Variants in ZNF280C observed in about 807,000 individuals in gnomAD.
ZNF280C encodes the protein zinc finger protein 280C, also known as suppressor of hairy wing homolog 3.
In ZNF280C, 14 loss-of-function variants were observed where a neutral mutation model predicts 53.6. The ratio of observed to expected loss-of-function variants is 0.26; its 90% CI spans 0.17 to 0.41. The LOEUF (loss-of-function observed/expected upper bound fraction) is 0.41. Among genes scored for constraint, ZNF280C ranks in the 10% least tolerant of loss-of-function variants. ZNF280C has a pLI of 1.00. For synonymous variants in ZNF280C, 203 were observed against 181.1 expected (o/e 1.12, Z -0.97); for missense variants, 416 against 547.1 (o/e 0.76, Z 2.39).
At chrX:130,227,886 A>G (rs372192102) in intron 10 of ZNF280C, 104 bp from the exon 11 acceptor site, 84 of 468,168 alleles carry the variant, frequency 1.8e-4, no homozygotes, top group African/African-American at 1.6e-3. Context: ...AGTAACAGTG[A>G]TGTGGTTCTA....
At chrX:130,214,102 T>C (rs368806201) in intron 15 of ZNF280C, among the ~76,000 whole-genome samples, 1 of 111,802 alleles carries the variant, frequency 8.9e-6, no homozygotes, top group Non-Finnish European at 1.9e-5. Context: ...GCCTGGCTAG[T>C]TGTATCTTAT....
intron 5 of ZNF280C, among the ~76,000 whole-genome samples, chrX:130,242,869 G>T (rs2032408767): frequency 9.0e-6 from 1 of 110,875 alleles, no homozygotes; most frequent in South Asian, 3.8e-4. Context: ...ATAGAGACAG[G>T]GTTTCACCAT....
Position 130,239,643 on chromosome X carries a change from C to A in ZNF280C, c.432G>T (p.Leu144=). ...GTAGTGATTCCTGGGTCGAGTCAAA[C>A]AGTAAAATTGAAGAATTATCCGATC... ...QVGSDNSSIL[L]FDSTQESLPP... The change falls in exon 6 of 19, where the codon CTG becomes CTT. Residue 144 remains leucine (L), a synonymous_variant. Transcript: ENST00000370978. 2 of 1,202,322 alleles carry A rather than the reference C, an allele frequency of 1.7e-6. No individual in the cohort carries two copies. The highest frequency in any genetic ancestry group is 2.3e-6 in the Non-Finnish European group (2 of 888,267).
chrX:130,203,714 A>C lies in ZNF280C; in HGVS notation c.*1263T>G, dbSNP rs1311093398. On this transcript the variant is annotated 3_prime_UTR_variant, in exon 19 of 19. Transcript: ENST00000370978. ...ATCAGTATTGCTGAAAATTCCTAGA[A>C]TATTGGATAAAACTTTAAATGAAAA... 1 of 112,330 alleles carries C rather than the reference A, an allele frequency of 8.9e-6. No individual in the cohort carries two copies. Among genetic ancestry groups the C allele is most frequent in the Non-Finnish European group, 1.9e-5 (1 of 53,291 alleles). 9.3% of individuals were successfully genotyped at this position (112,330 alleles called of 1,213,427 possible).
chrX:130,223,955 G>C (rs1159936599), intron 12 of ZNF280C, among the ~76,000 whole-genome samples: 2 of 111,768 alleles, frequency 1.8e-5, no homozygotes, highest in Non-Finnish European at 3.8e-5. Context: ...CTTCAGAGAA[G>C]CCTGATGATC....
At chrX:130,240,576 T>G (rs1241682728) in intron 5 of ZNF280C, among the ~76,000 whole-genome samples, 1 of 112,251 alleles carries the variant, frequency 8.9e-6, no homozygotes, top group Non-Finnish European at 1.9e-5. Context: ...AATATCCGTT[T>G]GCAATTTCCA....
At chrX:130,244,846 G>A (rs1440291192) in intron 3 of ZNF280C, among the ~76,000 whole-genome samples, 1 of 109,061 alleles carries the variant, frequency 9.2e-6, no homozygotes, top group African/African-American at 3.3e-5. Context: ...TTAAGTGAAG[G>A]GTCACACCAA....
chrX:130,222,276 C>CCACACACACACACACACACACACA (rs59694150), intron 12 of ZNF280C, among the ~76,000 whole-genome samples: 1 of 69,937 alleles, frequency 1.4e-5, no homozygotes, highest in Admixed American at 1.7e-4. Flanking sequence ...CATTCAGACA[C>CCACACACACACACACACACACACA]CACACACACA....
At chrX:130,258,099 C>T (rs2032594021) in intron 2 of ZNF280C, among the ~76,000 whole-genome samples, 1 of 111,105 alleles carries the variant, frequency 9.0e-6, no homozygotes, top group Admixed American at 9.6e-5. Context: ...GTCTGGGCCA[C>T]AGTGCTAGAC....
intron 8 of ZNF280C, among the ~76,000 whole-genome samples, chrX:130,232,243 C>G (rs2032285372): frequency 1.0e-5 from 1 of 99,187 alleles, no homozygotes; most frequent in Non-Finnish European, 2.0e-5. Flanking sequence ...TCTAGAATGC[C>G]TAAATATCTG....
In ZNF280C at chrX:130,209,692, T is replaced by G; in HGVS notation, c.2003A>C (p.Lys668Thr). The G allele has an allele frequency of 1.7e-6, 2 of 1,208,552 alleles. No homozygotes were observed. Among genetic ancestry groups the G allele is most frequent in the Non-Finnish European group, 2.2e-6 (2 of 893,546 alleles). ...MMSSHSNHPG[K>T]RFCIFKKHSG... ...ATGCTTCTTGAAAATACAAAACCGT[T>G]TACCTGGATGGTTGCTATGAGAGCT... Residue 668 changes from lysine to threonine, a missense_variant, in exon 16 of 19, where the codon AAA becomes ACA. Physicochemically the swap from Lys to Thr is moderately conservative, Grantham distance 78. Coordinates refer to ENST00000370978, the MANE Select transcript of ZNF280C (RefSeq NM_017666.5).
chrX:130,224,029 TAAC>T (rs1440600728), intron 12 of ZNF280C, among the ~76,000 whole-genome samples: 1 of 111,721 alleles, frequency 9.0e-6, no homozygotes, highest in Non-Finnish European at 1.9e-5. Flanking sequence ...ACTCCAAACT[TAAC>T]AAAAAAATTC....
intron 16 of ZNF280C, among the ~76,000 whole-genome samples, chrX:130,206,521 C>T (rs906492680): frequency 1.9e-4 from 21 of 109,825 alleles, no homozygotes; most frequent in Admixed American, 1.9e-3. Context: ...CGCCTGCCAC[C>T]ACGCCTGGCT....
chrX:130,244,777 T>TA lies in ZNF280C; in HGVS notation c.179-913dup, dbSNP rs58124928. 7.4e-3 allele frequency among the ~76,000 whole-genome samples: 486 copies of TA among 65,373 alleles called. 2 individuals carry two copies. The highest frequency in any genetic ancestry group is 0.011 in the Non-Finnish European group (422 of 37,027). 56.8% of individuals were successfully genotyped at this position (65,373 alleles called of 115,157 possible). A position where few individuals can be genotyped will look rare whatever the true frequency, so the allele number is the denominator to read the frequency against. ...TGGGCGACAGAGCGAGACTCCATCT[T>TA]AAAAAAAAAAAAAAAAAAAAAAAGA... On this transcript the variant is annotated intron_variant, in intron 3 of 18. Transcript: ENST00000370978.
At chrX:130,256,303 A>G (rs910871041) in intron 2 of ZNF280C, among the ~76,000 whole-genome samples, 33 of 112,027 alleles carry the variant, frequency 2.9e-4, no homozygotes, top group Non-Finnish European at 5.1e-4. Context: ...GTCCCAGGAC[A>G]AGAGCTGTGC....
rs150667642 is a variant in ZNF280C at position 130,224,606 on chromosome X, T to C, written c.1395+2153A>G. On this transcript the variant is annotated intron_variant, in intron 12 of 18. Coordinates refer to ENST00000370978, the MANE Select transcript of ZNF280C (RefSeq NM_017666.5). ...TTCTAGAGGATTACCAGGCGCCAAC[T>C]TCTAAGAGCTCTATTCCAATGGAGT... 9.6e-3 allele frequency among the ~76,000 whole-genome samples: 1,075 copies of C among 111,830 alleles called. 5 individuals are homozygous for C. Among genetic ancestry groups the C allele is most frequent in the Non-Finnish European group, 0.016 (843 of 53,140 alleles).
At chrX:130,215,385 AG>A in intron 14 of ZNF280C, 52 bp from the exon 15 acceptor site, 2 of 1,060,748 alleles carry the variant, frequency 1.9e-6, no homozygotes, top group Middle Eastern at 2.9e-4. Context: ...CAAAAATAAC[AG>A]GGGAAAATCT....
chrX:130,214,139 C>T (rs756798255), intron 15 of ZNF280C, among the ~76,000 whole-genome samples: 5 of 110,985 alleles, frequency 4.5e-5, no homozygotes, highest in African/African-American at 1.6e-4. Context: ...ATGGAACTAT[C>T]TTAATTAGAA....
intron 16 of ZNF280C, among the ~76,000 whole-genome samples, chrX:130,206,357 T>G (rs866836041): frequency 9.4e-6 from 1 of 106,928 alleles, no homozygotes; most frequent in African/African-American, 3.4e-5. Context: ...GATTGACTTC[T>G]TTAGTTTTTT....
Sources: gnomAD v4.1 joint callset for allele counts (sites outside exome capture counted in the v4.1 genomes callset) on GRCh38, gnomAD v4.1.1 for gene constraint, MANE v1.5 for transcripts, NCBI Gene and HGNC (gene_info 2026-07-23, HGNC 2026-07-21) for gene names.